PTPRH: variants seen among roughly 807,000 people sequenced by gnomAD.
The protein encoded by PTPRH is protein tyrosine phosphatase receptor type H, also known as receptor-type tyrosine-protein phosphatase H.
Under a neutral mutation model 130.2 loss-of-function variants are expected in PTPRH, and 113 were observed. The ratio of observed to expected loss-of-function variants is 0.87; its 90% CI spans 0.75 to 1.01. The LOEUF is 1.01. Ranked by LOEUF, PTPRH falls within the 50% of genes least tolerant of loss-of-function variation. The pLI, the probability that PTPRH is intolerant of heterozygous loss-of-function variation, is 0.00. For missense variants in PTPRH, 1,430 were observed against 1,425.0 expected (o/e 1.00, Z -0.06); for synonymous variants, 556 against 577.9 (o/e 0.96, Z 0.54).
Position 55,197,376 on chromosome 19 carries a change from A to T in PTPRH, c.1731T>A (p.Thr577=), listed in dbSNP as rs201237800. The T allele has an allele frequency of 1.3e-4, 216 of 1,613,670 alleles. No individual in the cohort carries two copies. Among genetic ancestry groups the T allele is most frequent in the South Asian group, 2.2e-5 (2 of 91,084 alleles). Reference sequence around the variant, plus strand: ...TCCACCACAGCATGACTGAGTTCTTAGTCTGAGTTTCATTCTGGAGATCTG... The same window carrying T: ...TCCACCACAGCATGACTGAGTTCTTTGTCTGAGTTTCATTCTGGAGATCTG... ...EVTDLQNETQ[T]KNSVMLWWKA... The change falls in exon 9 of 20, where the codon ACT becomes ACA. Residue 577 remains threonine, a synonymous_variant. Transcript: ENST00000376350.
chr19:55,190,599 T>A (rs2086505552), intron 12 of PTPRH, among the ~76,000 whole-genome samples: 1 of 112,612 alleles, frequency 8.9e-6, no homozygotes. Flanking sequence ...TAAATTTATA[T>A]ATTATATATT....
At chr19:55,206,031 G>A (rs1056732995) in intron 3 of PTPRH, among the ~76,000 whole-genome samples, 23 of 152,068 alleles carry the variant, frequency 1.5e-4, no homozygotes, top group African/African-American at 1.9e-4. Context: ...TCAGGAGTTC[G>A]AGACCAGCCT....
At chr19:55,205,663 C>G in intron 3 of PTPRH, 71 bp from the exon 4 acceptor site, 3 of 1,585,296 alleles carry the variant, frequency 1.9e-6, no homozygotes, top group South Asian at 1.2e-5. Context: ...CTTCCTTAAC[C>G]GTTGCATCCA....
chr19:55,189,341 T>A (rs2086456167), intron 12 of PTPRH, among the ~76,000 whole-genome samples: 1 of 152,184 alleles, frequency 6.6e-6, no homozygotes, highest in African/African-American at 2.4e-5. Context: ...CCTAAACATG[T>A]TAGACTGTGT....
intron 4 of PTPRH, 83 bp downstream of exon 4, chr19:55,205,243 C>T (rs1208568033): frequency 4.4e-6 from 7 of 1,576,686 alleles, no homozygotes; most frequent in Non-Finnish European, 4.3e-6. Flanking sequence ...CCCAGAGGGA[C>T]TATGGAATAG....
chr19:55,203,508 C>T (rs746284947), intron 5 of PTPRH, among the ~76,000 whole-genome samples: 12 of 151,350 alleles, frequency 7.9e-5, no homozygotes, highest in South Asian at 4.2e-4. Context: ...CTCTGCCTCC[C>T]GGGCTCAAGC....
rs770513637 is a variant in PTPRH at position 55,181,875 on chromosome 19, A to T, written c.3227T>A (p.Ile1076Asn). The change falls in exon 20 of 20, where the codon ATC becomes AAC. Residue 1076 changes from isoleucine (I) to asparagine (N), a missense_variant. Ile to Asn is a moderately radical substitution (Grantham distance 149, BLOSUM62 -3). Coordinates refer to ENST00000376350, the MANE Select transcript of PTPRH (RefSeq NM_002842.5). Reference protein sequence around the residue: ...EAQYVFLHQCILRFLQQSAQA... With the variant: ...EAQYVFLHQCNLRFLQQSAQA... ...GGCTGACTGTTGGAGGAACCGCAGG[A>T]TGCACTGATGCAGGAATACGTACTG... 6.2e-7 allele frequency: 1 copy of T among 1,614,122 alleles called. No homozygotes were observed. Among genetic ancestry groups the T allele is most frequent in the Non-Finnish European group, 8.5e-7 (1 of 1,180,016 alleles).
At position 55,185,562 on chromosome 19, in the gene PTPRH, C is replaced by T; in HGVS notation, c.3002G>A (p.Arg1001Lys). The part of the protein sequence containing the change: ...SSPDTLLAFW[R>K]MLRQWLDQTM... ...CTGATCCAGCCACTGCCGAAGCATC[C>T]TCCAGAAAGCCAGCAAGGTGTCTGG... Residue 1001 changes from arginine to lysine, a missense_variant, in exon 18 of 20, where the codon AGG (arginine) becomes AAG (lysine). By Grantham distance (26) the Arg-to-Lys change is conservative. Transcript: ENST00000376350. 6.2e-7 allele frequency: 1 copy of T among 1,614,226 alleles called. No individual in the cohort carries two copies. Among genetic ancestry groups the T allele is most frequent in the Non-Finnish European group, 8.5e-7 (1 of 1,180,040 alleles).
chr19:55,205,259 C>G (rs1206321676), intron 4 of PTPRH, 67 bp downstream of exon 4: 1 of 1,590,436 alleles, frequency 6.3e-7, no homozygotes, highest in Non-Finnish European at 8.6e-7. Flanking sequence ...AATAGAAATC[C>G]GCTACGTTCT....
chr19:55,187,723 G>T, intron 13 of PTPRH, 120 bp from the exon 14 acceptor site: 1 of 725,904 alleles, frequency 1.4e-6, no homozygotes, highest in South Asian at 1.6e-5. Context: ...TGCACCCTGA[G>T]ATTATATGGC....
rs1035928286 is a variant in PTPRH, at chr19:55,191,649, G to C, written c.2336+14C>G. The C allele has an allele frequency of 6.2e-7, 1 of 1,613,436 alleles. No individual in the cohort carries two copies. The highest frequency in any genetic ancestry group is 1.3e-5 in the African/African-American group (1 of 74,912). ...CCCCACCCTCCAGGCGGTCAGCCCTGTGCTGAGTCTCACCTCCTCTTCAGG... is the reference window on the plus strand; with the variant it reads ...CCCCACCCTCCAGGCGGTCAGCCCTCTGCTGAGTCTCACCTCCTCTTCAGG... On this transcript the variant is annotated intron_variant, in intron 11 of 19. Transcript: ENST00000376350.
At position 55,200,288 on chromosome 19, in the gene PTPRH, CCATA is replaced by C; in HGVS notation, c.1364_1367del (p.Val455GlyfsTer23). 1 of 1,614,138 alleles carries C rather than the reference CCATA, an allele frequency of 6.2e-7. No individual in the cohort carries two copies. The highest frequency in any genetic ancestry group is 8.5e-7 in the Non-Finnish European group (1 of 1,180,026). ...AGCCACGTGCTCCATTTTTTTCTGCCCATACAGAGAATGTGTACAAGGTTCCGGG... is the reference window on the plus strand; with the variant it reads ...AGCCACGTGCTCCATTTTTTTCTGCCCAGAGAATGTGTACAAGGTTCCGGG... On this transcript the variant is annotated frameshift_variant, in exon 7 of 20. Transcript: ENST00000376350. LOFTEE classifies it high-confidence loss of function.
At chr19:55,188,637 A>G (rs1268241355) in intron 12 of PTPRH, among the ~76,000 whole-genome samples, 2 of 152,150 alleles carry the variant, frequency 1.3e-5, no homozygotes, top group African/African-American at 4.8e-5. Flanking sequence ...CATGGCTTGG[A>G]GTCTATATCC....
chr19:55,195,126 A>G (rs2086647010), intron 10 of PTPRH, among the ~76,000 whole-genome samples: 1 of 152,012 alleles, frequency 6.6e-6, no homozygotes, highest in Admixed American at 6.6e-5. Context: ...GGAGTTTGAG[A>G]CCAGCCTGGC....
intron 4 of PTPRH, among the ~76,000 whole-genome samples, chr19:55,204,849 T>C (rs2086992895): frequency 6.6e-6 from 1 of 152,172 alleles, no homozygotes. Context: ...CATGCAACTT[T>C]AACGAGCTTA....
chr19:55,198,577 A>G, intron 8 of PTPRH, 66 bp downstream of exon 8: 14 of 1,467,098 alleles, frequency 9.5e-6, no homozygotes, highest in Non-Finnish European at 1.3e-5. Flanking sequence ...GGAGCTCCCA[A>G]AGTCCTTTCA....
intron 7 of PTPRH, 131 bp from the exon 8 acceptor site, chr19:55,199,043 G>T: frequency 1.1e-6 from 1 of 933,614 alleles, no homozygotes; most frequent in Non-Finnish European, 1.4e-6. Flanking sequence ...AGTGGCTCAG[G>T]CCTGTAATCC....
At position 55,204,013 on chromosome 19, in the gene PTPRH, G is replaced by T; in HGVS notation, c.655C>A (p.Gln219Lys). The change falls in exon 5 of 20, where the codon CAG (glutamine) becomes AAG (lysine). Residue 219 changes from glutamine (Q) to lysine (K), a missense_variant. Gln to Lys is a moderately conservative substitution (Grantham distance 53). Transcript: ENST00000376350. The part of the protein sequence containing the change: ...NPVRNLRVEA[Q>K]TTSSISLSWE... ...CTCAGGGAGATGGAGCTGGTGGTCT[G>T]AGCCTCCACTCTCAGGTTCCTCACT... 1 of 1,614,110 alleles carries T rather than the reference G, an allele frequency of 6.2e-7. No homozygotes were observed. The highest frequency in any genetic ancestry group is 8.5e-7 in the Non-Finnish European group (1 of 1,179,976).
Position 55,188,112 on chromosome 19 carries a change from C to T in PTPRH, c.2441G>A (p.Arg814Lys), listed in dbSNP as rs1165996714. ...DFADHVRKNE[R>K]DSNCGFADEY... Reference sequence around the variant, plus strand: ...GTCTGCAAAACCACAGTTGCTGTCCCTCTCATTCTTCCTGACGTGGTCAGC... The same window carrying T: ...GTCTGCAAAACCACAGTTGCTGTCCTTCTCATTCTTCCTGACGTGGTCAGC... The change falls in exon 13 of 20, where the codon AGG (arginine) becomes AAG (lysine). Residue 814 changes from arginine (R) to lysine (K), a missense_variant. Coordinates refer to ENST00000376350, the MANE Select transcript of PTPRH (RefSeq NM_002842.5). 1.2e-6 allele frequency: 2 copies of T among 1,614,172 alleles called. No individual in the cohort carries two copies. Among genetic ancestry groups the T allele is most frequent in the East Asian group, 2.2e-5 (1 of 44,874 alleles).
Sources: gnomAD v4.1 joint callset for allele counts (sites outside exome capture counted in the v4.1 genomes callset) on GRCh38, gnomAD v4.1.1 for gene constraint, MANE v1.5 for transcripts, NCBI Gene and HGNC (gene_info 2026-07-23, HGNC 2026-07-21) for gene names.